The following LRFN5 variants were observed in gnomAD, a reference collection of about 807,000 sequenced individuals.
LRFN5 encodes the protein leucine rich repeat and fibronectin type III domain containing 5.
Under a neutral mutation model 45.6 loss-of-function variants are expected in LRFN5, and 24 were observed. That is an observed-to-expected ratio of 0.53 (90% CI 0.38 to 0.74). The LOEUF (loss-of-function observed/expected upper bound fraction) is 0.74, where lower values mean the gene tolerates loss of function less well. LRFN5 is among the 30% of genes least tolerant of loss of function. The pLI is 0.00. For synonymous variants in LRFN5, 340 were observed against 313.8 expected (o/e 1.08, Z -0.88); for missense variants, 776 against 861.5 (o/e 0.90, Z 1.24).
At chr14:41,813,845 C>G (rs568403391) in intron 2 of LRFN5, among the ~76,000 whole-genome samples, 174 of 152,232 alleles carry the variant, frequency 1.1e-3, no homozygotes, top group Middle Eastern at 0.01. Context: ...CACAACCTCT[C>G]CAGCGTCTGT....
At chr14:41,857,039 G>A (rs944534949) in intron 2 of LRFN5, among the ~76,000 whole-genome samples, 10 of 151,920 alleles carry the variant, frequency 6.6e-5, no homozygotes, top group African/African-American at 2.4e-4. Context: ...TTTAAGTGTT[G>A]TTTTATTTTC....
chr14:41,845,134 G>A (rs113047870), intron 2 of LRFN5, among the ~76,000 whole-genome samples: 1,405 of 110,046 alleles, frequency 0.013, 25 homozygotes, highest in African/African-American at 0.048. Flanking sequence ...CAACTGCTGG[G>A]GGAAAACATG....
intron 2 of LRFN5, among the ~76,000 whole-genome samples, chr14:41,869,524 A>T (rs1369869817): frequency 6.6e-6 from 1 of 151,994 alleles, no homozygotes; most frequent in Non-Finnish European, 1.5e-5. Context: ...TAAAAATTAT[A>T]TCGAGTACTA....
intron 2 of LRFN5, among the ~76,000 whole-genome samples, chr14:41,786,015 C>G (rs1452034118): frequency 6.7e-6 from 1 of 148,874 alleles, no homozygotes; most frequent in Non-Finnish European, 1.5e-5. Flanking sequence ...TGTTCCCTGC[C>G]CTGGGGTTGG....
At chr14:41,765,425 G>A (rs1251784285) in intron 1 of LRFN5, among the ~76,000 whole-genome samples, 3 of 149,454 alleles carry the variant, frequency 2.0e-5, no homozygotes, top group Non-Finnish European at 4.4e-5. Context: ...ATTTACAAAC[G>A]CACACACATA....
intron 1 of LRFN5, among the ~76,000 whole-genome samples, chr14:41,673,691 C>A (rs1293872568): frequency 7.0e-6 from 1 of 143,444 alleles, no homozygotes; most frequent in East Asian, 2.2e-4. Flanking sequence ...CCACCTCCCT[C>A]CTGGATGGGG....
intron 1 of LRFN5, among the ~76,000 whole-genome samples, chr14:41,698,703 G>A (rs1882716310): frequency 6.6e-6 from 1 of 151,998 alleles, no homozygotes; most frequent in Non-Finnish European, 1.5e-5. Flanking sequence ...TTCTTTGAGA[G>A]TTAATTCATT....
chr14:41,754,205 G>T (rs1296947534), intron 1 of LRFN5, among the ~76,000 whole-genome samples: 1 of 152,104 alleles, frequency 6.6e-6, no homozygotes, highest in African/African-American at 2.4e-5. Context: ...TGTTCATCGG[G>T]GATATTGGTC....
intron 2 of LRFN5, among the ~76,000 whole-genome samples, chr14:41,794,343 A>G (rs1164925433): frequency 6.6e-6 from 1 of 152,046 alleles, no homozygotes; most frequent in Non-Finnish European, 1.5e-5. Flanking sequence ...ATTCTTGTAA[A>G]TTATTCTTCC....
chr14:41,730,039 A>G (rs1157886690), intron 1 of LRFN5, among the ~76,000 whole-genome samples: 1 of 152,018 alleles, frequency 6.6e-6, no homozygotes, highest in African/African-American at 2.4e-5. Context: ...AATGTTCTGT[A>G]TATAATCTGT....
chr14:41,624,527 T>G (rs1170996157), intron 1 of LRFN5, among the ~76,000 whole-genome samples: 1 of 152,134 alleles, frequency 6.6e-6, no homozygotes, highest in East Asian at 1.9e-4. Flanking sequence ...GCAGATTTAT[T>G]GTATGATTCT....
intron 2 of LRFN5, among the ~76,000 whole-genome samples, chr14:41,771,121 G>A (rs1003966863): frequency 6.6e-6 from 1 of 151,532 alleles, no homozygotes. Context: ...TATATGGGGA[G>A]CAATATCTCA....
At chr14:41,803,405 G>A (rs1490503420) in intron 2 of LRFN5, among the ~76,000 whole-genome samples, 1 of 151,904 alleles carries the variant, frequency 6.6e-6, no homozygotes, top group Non-Finnish European at 1.5e-5. Context: ...AGGTTAGAAG[G>A]CAGTGGTATG....
At chr14:41,648,025 T>C (rs853237) in intron 1 of LRFN5, among the ~76,000 whole-genome samples, 118,235 of 152,148 alleles carry the variant, frequency 0.78, 46,457 homozygotes, top group African/African-American at 0.9. Context: ...TATATTAACA[T>C]ATCTACATCT....
At chr14:41,813,186 T>A (rs1887794782) in intron 2 of LRFN5, among the ~76,000 whole-genome samples, 1 of 152,118 alleles carries the variant, frequency 6.6e-6, no homozygotes. Context: ...CATTAACAAT[T>A]TCATCCCTTT....
chr14:41,748,903 T>C (rs114095218), intron 1 of LRFN5, among the ~76,000 whole-genome samples: 1 of 151,098 alleles, frequency 6.6e-6, no homozygotes, highest in Non-Finnish European at 1.5e-5. Flanking sequence ...GGATATTTTA[T>C]ATATATATAT....
intron 1 of LRFN5, among the ~76,000 whole-genome samples, chr14:41,721,797 G>C (rs1430399414): frequency 1.3e-5 from 2 of 152,028 alleles, no homozygotes; most frequent in Admixed American, 6.6e-5. Flanking sequence ...CTACCTTTTA[G>C]ATTTTTTCTT....
chr14:41,671,203 G>A (rs1033544492), intron 1 of LRFN5, among the ~76,000 whole-genome samples: 3 of 152,018 alleles, frequency 2.0e-5, no homozygotes, highest in South Asian at 2.1e-4. Context: ...GCATTTTATA[G>A]TTTAAAAAGA....
chr14:41,715,497 C>G (rs1883457475), intron 1 of LRFN5, among the ~76,000 whole-genome samples: 1 of 152,272 alleles, frequency 6.6e-6, no homozygotes, highest in East Asian at 1.9e-4. Context: ...CTCACCTTAA[C>G]TTTAATTTTC....
Sources: gnomAD v4.1 joint callset for allele counts (sites outside exome capture counted in the v4.1 genomes callset) on GRCh38, gnomAD v4.1.1 for gene constraint, MANE v1.5 for transcripts, NCBI Gene and HGNC (gene_info 2026-07-23, HGNC 2026-07-21) for gene names.